Variants in CACNB4 observed in about 807,000 individuals in gnomAD.
CACNB4 encodes the protein calcium voltage-gated channel auxiliary subunit beta 4, also known as voltage-dependent L-type calcium channel subunit beta-4.
A neutral mutation model predicts 71.2 loss-of-function variants in CACNB4; 32 were observed. The ratio of observed to expected loss-of-function variants is 0.45; its 90% CI spans 0.34 to 0.60. The LOEUF (loss-of-function observed/expected upper bound fraction) is 0.60, where lower values mean the gene tolerates loss of function less well. Among genes scored for constraint, CACNB4 ranks in the 20% least tolerant of loss-of-function variants. The pLI, the probability that CACNB4 is intolerant of heterozygous loss-of-function variation, is 0.01. For missense variants in CACNB4, 464 were observed against 647.9 expected (o/e 0.72, Z 3.08); for synonymous variants, 231 against 236.9 (o/e 0.97, Z 0.23).
chr2:152,075,176 TATC>T (rs1686941967), intron 2 of CACNB4, among the ~76,000 whole-genome samples: 1 of 152,244 alleles, frequency 6.6e-6, no homozygotes, highest in Non-Finnish European at 1.5e-5. Context: ...AGGCAGGCAT[TATC>T]ATCCTTATTT....
intron 2 of CACNB4, among the ~76,000 whole-genome samples, chr2:152,005,792 C>G (rs1165597435): frequency 3.3e-5 from 5 of 152,258 alleles, no homozygotes; most frequent in African/African-American, 1.2e-4. Flanking sequence ...TCCCAGATTT[C>G]TGTCACAACC....
chr2:152,057,920 G>A (rs140928219), intron 2 of CACNB4, among the ~76,000 whole-genome samples: 2,573 of 152,238 alleles, frequency 0.017, 77 homozygotes, highest in African/African-American at 0.059. Flanking sequence ...ATCTTGAATC[G>A]TAATCTGCAT....
rs1688425649 is a variant in CACNB4 at position 152,098,721 on chromosome 2, G to C, written c.63+228C>G. On this transcript the variant is annotated intron_variant, in intron 1 of 13. Coordinates refer to ENST00000539935, the MANE Select transcript of CACNB4 (RefSeq NM_000726.5). This position sits in a 1 kb window ranked among gnomAD's most constrained non-coding sequence, Gnocchi z 5.3. ...GGGGGAGGCTGCGGGCTCCGGAGCGGGAGCGCAGAGACCCGAAGGAGGGTG... is the reference window on the plus strand; with the variant it reads ...GGGGGAGGCTGCGGGCTCCGGAGCGCGAGCGCAGAGACCCGAAGGAGGGTG... 4 of 1,551,022 alleles carry C rather than the reference G, an allele frequency of 2.6e-6. No individual in the cohort carries two copies. The Admixed American group carries it at 7.8e-5, about 30-fold the overall frequency.
At chr2:152,063,811 T>C (rs1686149206) in intron 2 of CACNB4, among the ~76,000 whole-genome samples, 1 of 152,214 alleles carries the variant, frequency 6.6e-6, no homozygotes, top group East Asian at 1.9e-4. Context: ...CAGCTCCGAA[T>C]GTCTTCCTAG....
In CACNB4 at chr2:152,030,785, T is replaced by C. The variant is rs181616924; in HGVS notation, c.147+67545A>G. ...CTACAAAGGACGTGAACTCATCCTT[T>C]TTTATGGCTGCATAGTATTCCATGG... On this transcript the variant is annotated intron_variant, in intron 2 of 13. Transcript: ENST00000539935. Among the ~76,000 whole-genome samples the C allele has an allele frequency of 4.2e-3, 646 of 152,360 alleles. 2 individuals are homozygous for C. The highest frequency in any genetic ancestry group is 6.9e-3 in the Admixed American group (105 of 15,300).
Position 152,098,564 on chromosome 2 carries a change from G to GCCCGCC in CACNB4, c.64-152_64-151insGGCGGG. 4 of 931,268 alleles carry GCCCGCC rather than the reference G, an allele frequency of 4.3e-6. No homozygotes were observed. The highest frequency in any genetic ancestry group is 1.4e-5 in the South Asian group (1 of 71,948). The allele number at this position is 931,268 out of a possible 1,614,324, so 57.7% of individuals were successfully genotyped here. ...GTCTCCTCCGCGACTCCCAAATACAGCCCCCACCCCCACCCACCCACTGCA... is the reference window on the plus strand; with the variant it reads ...GTCTCCTCCGCGACTCCCAAATACAGCCCGCCCCCCCACCCCCACCCACCCACTGCA... On this transcript the variant is annotated intron_variant, in intron 1 of 13. Transcript: ENST00000539935. The surrounding 1 kb of genome is among the most constrained non-coding windows in gnomAD (Gnocchi z 5.3).
At chr2:152,097,182 T>C (rs1313747843) in intron 2 of CACNB4, among the ~76,000 whole-genome samples, 2 of 152,224 alleles carry the variant, frequency 1.3e-5, no homozygotes, top group Non-Finnish European at 2.9e-5. Flanking sequence ...AAATTCTGCA[T>C]AATAAATATC....
At chr2:152,045,930 C>A (rs1685122579) in intron 2 of CACNB4, among the ~76,000 whole-genome samples, 1 of 152,086 alleles carries the variant, frequency 6.6e-6, no homozygotes, top group South Asian at 2.1e-4. Context: ...ATGAAAAGTT[C>A]TGATAAATGA....
At chr2:152,074,255 T>G (rs1686869340) in intron 2 of CACNB4, among the ~76,000 whole-genome samples, 1 of 150,702 alleles carries the variant, frequency 6.6e-6, no homozygotes. Context: ...ACCCCCCCAT[T>G]TATACCAATA....
intron 2 of CACNB4, among the ~76,000 whole-genome samples, chr2:151,909,666 C>T (rs781565524): frequency 2.0e-5 from 3 of 151,850 alleles, no homozygotes; most frequent in Non-Finnish European, 2.9e-5. Flanking sequence ...TGAGTGCAAA[C>T]GTGGTGTTTG....
chr2:151,941,614 A>G (rs1288418509), intron 2 of CACNB4, among the ~76,000 whole-genome samples: 1 of 151,978 alleles, frequency 6.6e-6, no homozygotes, highest in Non-Finnish European at 1.5e-5. Flanking sequence ...AAAAAAAAAA[A>G]GAATTGTAAG....
At chr2:152,045,280 A>G (rs562498803) in intron 2 of CACNB4, among the ~76,000 whole-genome samples, 1 of 152,234 alleles carries the variant, frequency 6.6e-6, no homozygotes, top group African/African-American at 2.4e-5. Flanking sequence ...CCAAGTGTCC[A>G]TCAACAGAGG....
At chr2:152,004,873 G>A (rs1472324237) in intron 2 of CACNB4, among the ~76,000 whole-genome samples, 4 of 152,152 alleles carry the variant, frequency 2.6e-5, no homozygotes, top group East Asian at 1.9e-4. Context: ...CCACAGCGGC[G>A]TTTCTTGTCT....
intron 2 of CACNB4, among the ~76,000 whole-genome samples, chr2:151,954,060 G>T (rs888360801): frequency 6.6e-6 from 1 of 152,146 alleles, no homozygotes; most frequent in African/African-American, 2.4e-5. Context: ...ATGACCATGG[G>T]GATACAAGGA....
intron 5 of CACNB4, among the ~76,000 whole-genome samples, chr2:151,875,208 C>CT: frequency 6.7e-6 from 1 of 148,264 alleles, no homozygotes; most frequent in East Asian, 2.0e-4. Flanking sequence ...AACGAGCATG[C>CT]TGCCTTCAAG....
chr2:152,046,912 C>G (rs544475737), intron 2 of CACNB4, among the ~76,000 whole-genome samples: 1 of 152,252 alleles, frequency 6.6e-6, no homozygotes, highest in African/African-American at 2.4e-5. Flanking sequence ...CACTGAACTT[C>G]TGCTAAAAAA....
At chr2:152,007,843 C>T (rs1682820181) in intron 2 of CACNB4, among the ~76,000 whole-genome samples, 1 of 151,694 alleles carries the variant, frequency 6.6e-6, no homozygotes, top group African/African-American at 2.4e-5. Context: ...ACCATCTTGG[C>T]TTACTGCAAC....
intron 13 of CACNB4, among the ~76,000 whole-genome samples, chr2:151,841,287 G>A (rs1167740006): frequency 6.6e-6 from 1 of 152,190 alleles, no homozygotes; most frequent in Non-Finnish European, 1.5e-5. Context: ...AGAAGTAATG[G>A]AGGGGCCAGG....
At chr2:151,848,015 CTT>C (rs1291175875) in intron 12 of CACNB4, among the ~76,000 whole-genome samples, 1 of 152,174 alleles carries the variant, frequency 6.6e-6, no homozygotes, top group Non-Finnish European at 1.5e-5. Context: ...CTTCCTCTCT[CTT>C]GATAATTTGT....
Sources: gnomAD v4.1 joint callset for allele counts (sites outside exome capture counted in the v4.1 genomes callset) on GRCh38, gnomAD v4.1.1 for gene constraint, Gnocchi (gnomAD v3.1) non-coding constraint, MANE v1.5 for transcripts, NCBI Gene and HGNC (gene_info 2026-07-23, HGNC 2026-07-21) for gene names.